Variants in RB1 observed in about 807,000 individuals in gnomAD.
RB1 encodes RB transcriptional corepressor 1.
In RB1, 18 loss-of-function variants were observed where a neutral mutation model predicts 135.4. The ratio of observed to expected loss-of-function variants is 0.13; its 90% confidence interval spans 0.09 to 0.20. The LOEUF (loss-of-function observed/expected upper bound fraction) is 0.20, where lower values mean the gene tolerates loss of function less well. Ranked by LOEUF, RB1 falls within the 10% of genes least tolerant of loss-of-function variation. The pLI, the probability that RB1 is intolerant of heterozygous loss-of-function variation, is 1.00. For synonymous variants in RB1, 365 were observed against 373.2 expected, an observed-to-expected ratio of 0.98 and a Z score of 0.25; for missense variants, 868 against 1,110.0, an observed-to-expected ratio of 0.78 and a Z score of 3.10.
At chr13:48,306,825 G>C (rs944190493) in intron 1 of RB1, among the ~76,000 whole-genome samples, 1 of 152,140 alleles carries the variant, frequency 6.6e-6, no homozygotes, top group African/African-American at 2.4e-5. Context: ...ATAAGCAGTC[G>C]CATCATGTAA....
At chr13:48,390,901 C>G (rs1948606276) in intron 17 of RB1, among the ~76,000 whole-genome samples, 1 of 152,106 alleles carries the variant, frequency 6.6e-6, no homozygotes, top group Non-Finnish European at 1.5e-5. Context: ...GTGTTGCTTT[C>G]TTAAATCTTG....
rs1316055563 is a variant in RB1, at chr13:48,481,850, G to A, written c.*1779G>A. 1 of 218,938 alleles carries A rather than the reference G, an allele frequency of 4.6e-6. No homozygotes were observed. Among genetic ancestry groups the A allele is most frequent in the Non-Finnish European group, 9.1e-6 (1 of 109,360 alleles). 13.6% of individuals were successfully genotyped at this position (218,938 alleles called of 1,614,324 possible). ...ATGTTACTATTTTCTACAATTAATA[G>A]TTTGTCTATTTTAAAATAAATTAGT... is the stretch of plus-strand genomic sequence containing the variant. On this transcript the variant is annotated 3_prime_UTR_variant, in exon 27 of 27. Coordinates refer to ENST00000267163, the MANE Select transcript of RB1 (RefSeq NM_000321.3).
At chr13:48,385,766 A>C (rs1228094805) in intron 17 of RB1, among the ~76,000 whole-genome samples, 1 of 152,216 alleles carries the variant, frequency 6.6e-6, no homozygotes, top group Admixed American at 6.5e-5. Flanking sequence ...AAGCAAAGAT[A>C]ATTGCTTCTT....
Position 48,319,582 on chromosome 13 carries a change from T to TG in RB1, c.264+12179dup, listed in dbSNP as rs1462538881. On this transcript the variant is annotated intron_variant, in intron 2 of 26. Coordinates refer to ENST00000267163, the MANE Select transcript of RB1 (RefSeq NM_000321.3). The surrounding 1 kb of genome is among the most constrained non-coding windows in gnomAD (Gnocchi z 5.0). ...GTCGTGACCCTGGACTTGAGGCTTC[T>TG]GGGCTGCACGTTCGTCTTTGCTAAC... 4.1e-6 allele frequency: 1 copy of TG among 246,736 alleles called. No homozygotes were observed. The highest frequency in any genetic ancestry group is 8.2e-6 in the Non-Finnish European group (1 of 122,672). 15.3% of individuals were successfully genotyped at this position (246,736 alleles called of 1,614,324 possible).
chr13:48,449,157 A>G (rs1949309886), intron 17 of RB1, among the ~76,000 whole-genome samples: 1 of 151,804 alleles, frequency 6.6e-6, no homozygotes, highest in Non-Finnish European at 1.5e-5. Context: ...TAGTTTCTGC[A>G]TCTCCCAGAT....
In RB1 at chr13:48,381,251, T is replaced by C. The variant is rs2138144821; in HGVS notation, c.1503T>C (p.Ser501=). ...LEVVMATYSR[S]TSQNLDSGTD... is the part of the protein sequence containing the mutation. ...ACTTTTTTTTTTCATTTTTAGGAAG[T>C]ACATCTCAGAATCTTGATTCTGGAA... is the stretch of plus-strand genomic sequence containing the variant. The change falls in exon 17 of 27, where the codon AGT becomes AGC. Residue 501 remains serine (S), a synonymous_variant. Coordinates refer to ENST00000267163, the MANE Select transcript of RB1 (RefSeq NM_000321.3). 6.2e-7 allele frequency: 1 copy of C among 1,606,992 alleles called. No individual in the cohort carries two copies. Among genetic ancestry groups the C allele is most frequent in the Non-Finnish European group, 8.5e-7 (1 of 1,177,052 alleles).
At chr13:48,365,786 C>T (rs1566193726) in intron 9 of RB1, among the ~76,000 whole-genome samples, 8 of 152,102 alleles carry the variant, frequency 5.3e-5, no homozygotes, top group South Asian at 2.1e-4. Context: ...ACTATGGATA[C>T]AGAGATTTCA....
intron 17 of RB1, among the ~76,000 whole-genome samples, chr13:48,392,936 T>A (rs117761063): frequency 0.018 from 2,795 of 152,328 alleles, 48 homozygotes; most frequent in Non-Finnish European, 0.031. Context: ...ATAATTTGAC[T>A]TTTTTAAGGC....
At chr13:48,459,349 C>A (rs1276987904) in intron 19 of RB1, among the ~76,000 whole-genome samples, 1 of 152,136 alleles carries the variant, frequency 6.6e-6, no homozygotes, top group African/African-American at 2.4e-5. Context: ...ATAATGAAGC[C>A]TCCATAAAAA....
intron 20 of RB1, 40 bp from the exon 21 acceptor site, chr13:48,463,691 A>G (rs2138342113): frequency 8.5e-7 from 1 of 1,182,226 alleles, no homozygotes; most frequent in Non-Finnish European, 1.3e-6. Context: ...AAAACCATGT[A>G]ATAAAATTCT....
intron 6 of RB1, among the ~76,000 whole-genome samples, chr13:48,355,220 G>A (rs1368822340): frequency 2.0e-5 from 3 of 151,922 alleles, no homozygotes; most frequent in Non-Finnish European, 4.4e-5. Flanking sequence ...AACTCTATGG[G>A]AAAAAATCTA....
intron 17 of RB1, among the ~76,000 whole-genome samples, chr13:48,404,907 C>A (rs1466680044): frequency 3.3e-5 from 5 of 151,976 alleles, no homozygotes; most frequent in Non-Finnish European, 5.9e-5. Context: ...GGAATGAGAT[C>A]CAGATCAGCA....
chr13:48,320,930 G>A (rs1186791551), intron 2 of RB1, among the ~76,000 whole-genome samples: 1 of 152,114 alleles, frequency 6.6e-6, no homozygotes, highest in Non-Finnish European at 1.5e-5. Context: ...TATAAACCCA[G>A]GATCAGGACG....
At chr13:48,433,452 G>T (rs1949150524) in intron 17 of RB1, among the ~76,000 whole-genome samples, 1 of 152,054 alleles carries the variant, frequency 6.6e-6, no homozygotes, top group Non-Finnish European at 1.5e-5. Context: ...ACTTAAAAGA[G>T]CTTTTTCAGG....
intron 5 of RB1, 133 bp downstream of exon 5, chr13:48,347,996 A>G: frequency 1.4e-6 from 1 of 692,034 alleles, no homozygotes; most frequent in South Asian, 1.7e-5. Context: ...CCATAGATTT[A>G]AGTCCTGTGT....
At chr13:48,460,030 C>T (rs1199284037) in intron 20 of RB1, among the ~76,000 whole-genome samples, 197 bp downstream of exon 20, 3 of 148,674 alleles carry the variant, frequency 2.0e-5, no homozygotes, top group East Asian at 2.0e-4. Flanking sequence ...AGTGCAGTGG[C>T]GCAATCTCGG....
At chr13:48,442,793 G>A (rs1421599883) in intron 17 of RB1, among the ~76,000 whole-genome samples, 3 of 152,048 alleles carry the variant, frequency 2.0e-5, no homozygotes, top group Non-Finnish European at 2.9e-5. Flanking sequence ...TTTTGAGTTA[G>A]GAAGTCCTTT....
Position 48,361,560 on chromosome 13 carries a change from A to G in RB1, c.719-1255A>G, listed in dbSNP as rs1566192067. On this transcript the variant is annotated intron_variant, in intron 7 of 26. Transcript: ENST00000267163. ...AAAATACTTTTTAAAAAGCATAATT[A>G]CAGTGCTCTTTGTTATCACACCTAC... Among the ~76,000 whole-genome samples the G allele has an allele frequency of 2.6e-5, 4 of 152,326 alleles. No homozygotes were observed. In the East Asian group the frequency reaches 7.7e-4, roughly 29 times the overall value.
intron 17 of RB1, among the ~76,000 whole-genome samples, chr13:48,432,897 G>T (rs1390993480): frequency 2.6e-5 from 4 of 152,000 alleles, no homozygotes; most frequent in Admixed American, 6.6e-5. Flanking sequence ...TAATAAATCT[G>T]CTGTTTATGA....
Sources: gnomAD v4.1 joint callset for allele counts (sites outside exome capture counted in the v4.1 genomes callset) on GRCh38, gnomAD v4.1.1 for gene constraint, Gnocchi (gnomAD v3.1) non-coding constraint, MANE v1.5 for transcripts, NCBI Gene and HGNC (gene_info 2026-07-23, HGNC 2026-07-21) for gene names.